DNAJC1: variants seen among roughly 807,000 people sequenced by gnomAD.
DNAJC1 encodes the protein DnaJ heat shock protein family (Hsp40) member C1, also known as dnaJ homolog subfamily C member 1.
DNAJC1 carries 58 observed loss-of-function variants against 76.6 expected under a neutral mutation model. The ratio of observed to expected loss-of-function variants is 0.76; its 90% confidence interval spans 0.61 to 0.94. The LOEUF is 0.94. Ranked by LOEUF, DNAJC1 falls within the 40% of genes least tolerant of loss-of-function variation. The pLI, the probability that DNAJC1 is intolerant of heterozygous loss-of-function variation, is 0.00. For synonymous variants in DNAJC1, 258 were observed against 267.9 expected (o/e 0.96, Z 0.36); for missense variants, 689 against 677.3 (o/e 1.02, Z -0.19).
intron 1 of DNAJC1, among the ~76,000 whole-genome samples, chr10:21,963,879 CTTTA>C (rs1030695552): frequency 8.6e-5 from 13 of 151,654 alleles, no homozygotes; most frequent in African/African-American, 1.9e-4. Flanking sequence ...CCTTTCTTGA[CTTTA>C]TTTATTTACT....
chr10:21,821,426 A>C (rs886784630), intron 8 of DNAJC1, among the ~76,000 whole-genome samples: 2 of 152,208 alleles, frequency 1.3e-5, no homozygotes, highest in Non-Finnish European at 2.9e-5. Context: ...ATAATCTCCT[A>C]AAGTTTGGGG....
At chr10:21,901,678 C>A (rs1251523745) in intron 7 of DNAJC1, among the ~76,000 whole-genome samples, 1 of 152,144 alleles carries the variant, frequency 6.6e-6, no homozygotes, top group African/African-American at 2.4e-5. Flanking sequence ...AGTTCTGGTG[C>A]AGCCCTCAGA....
At chr10:21,839,669 G>C (rs1835537229) in intron 8 of DNAJC1, among the ~76,000 whole-genome samples, 1 of 152,084 alleles carries the variant, frequency 6.6e-6, no homozygotes, top group Non-Finnish European at 1.5e-5. Context: ...TTCTACCAGA[G>C]GTACAAGGAG....
At chr10:21,950,393 T>C (rs1202504975) in intron 1 of DNAJC1, among the ~76,000 whole-genome samples, 2 of 152,142 alleles carry the variant, frequency 1.3e-5, no homozygotes, top group African/African-American at 2.4e-5. Flanking sequence ...ATTTAATCAA[T>C]AAATGTTGTA....
intron 8 of DNAJC1, among the ~76,000 whole-genome samples, chr10:21,830,427 T>C (rs557420586): frequency 1.3e-5 from 2 of 152,326 alleles, no homozygotes; most frequent in East Asian, 1.9e-4. Context: ...TCCTACTTTC[T>C]TCTGATATTT....
intron 8 of DNAJC1, among the ~76,000 whole-genome samples, chr10:21,870,237 A>G (rs1479245848): frequency 6.6e-6 from 1 of 152,086 alleles, no homozygotes; most frequent in Admixed American, 6.5e-5. Flanking sequence ...ATATTTGATA[A>G]TACTTAACAA....
chr10:22,003,235 T>G lies in DNAJC1; in HGVS notation c.200A>C (p.Tyr67Ser), dbSNP rs753041779. The part of the protein sequence containing the change: ...DLVEEVQLNF[Y>S]QFLGVQQDAS... ...TACCTGCTGCACCCCGAGGAACTGG[T>G]AGAAGTTGAGCTGCACCTCCTCCAC... Residue 67 changes from tyrosine (Y) to serine (S), a missense_variant, in exon 1 of 12, where the codon TAC becomes TCC. Tyr to Ser is a moderately radical substitution (Grantham distance 144). Coordinates refer to ENST00000376980, the MANE Select transcript of DNAJC1 (RefSeq NM_022365.4). 3.2e-6 allele frequency: 5 copies of G among 1,569,198 alleles called. No individual in the cohort carries two copies. The South Asian group carries it at 3.5e-5, about 11-fold the overall frequency.
intron 9 of DNAJC1, 46 bp downstream of exon 9, chr10:21,805,934 T>G (rs1834877439): frequency 6.2e-7 from 1 of 1,607,404 alleles, no homozygotes; most frequent in Non-Finnish European, 8.5e-7. Flanking sequence ...ATAGCTGACT[T>G]GTTCTGGTTT....
intron 1 of DNAJC1, among the ~76,000 whole-genome samples, chr10:21,930,692 G>C (rs1433680186): frequency 6.6e-6 from 1 of 152,124 alleles, no homozygotes. Flanking sequence ...TAACATGGTT[G>C]TAATTTTCAT....
At chr10:21,878,101 A>G (rs891206419) in intron 8 of DNAJC1, among the ~76,000 whole-genome samples, 3 of 152,154 alleles carry the variant, frequency 2.0e-5, no homozygotes, top group African/African-American at 7.2e-5. Context: ...TTTTCTTGTA[A>G]TGTCATGACT....
At chr10:21,965,913 C>T (rs909556498) in intron 1 of DNAJC1, among the ~76,000 whole-genome samples, 2 of 152,206 alleles carry the variant, frequency 1.3e-5, no homozygotes, top group Non-Finnish European at 2.9e-5. Flanking sequence ...CTCATGGGGT[C>T]TGGATCAGGT....
intron 1 of DNAJC1, among the ~76,000 whole-genome samples, chr10:21,955,374 A>G (rs1226215174): frequency 1.3e-5 from 2 of 152,212 alleles, no homozygotes; most frequent in African/African-American, 4.8e-5. Context: ...AATTTATGTA[A>G]GCAAACTTGG....
intron 1 of DNAJC1, among the ~76,000 whole-genome samples, chr10:21,979,555 T>C (rs1200877331): frequency 6.6e-6 from 1 of 152,082 alleles, no homozygotes; most frequent in Non-Finnish European, 1.5e-5. Flanking sequence ...GGTACTGTTA[T>C]TTTTAGGGTG....
At chr10:21,987,086 T>C (rs1042070969) in intron 1 of DNAJC1, among the ~76,000 whole-genome samples, 8 of 152,196 alleles carry the variant, frequency 5.3e-5, no homozygotes, top group African/African-American at 1.7e-4. Flanking sequence ...TTTTTAACAA[T>C]ACATATCAAT....
chr10:21,952,526 C>T (rs1415506428), intron 1 of DNAJC1, among the ~76,000 whole-genome samples: 7 of 152,022 alleles, frequency 4.6e-5, no homozygotes, highest in Admixed American at 1.3e-4. Flanking sequence ...GGGAAGCAGA[C>T]GCAGGCGATC....
intron 7 of DNAJC1, among the ~76,000 whole-genome samples, chr10:21,899,428 G>A (rs1347491356): frequency 3.3e-5 from 5 of 152,212 alleles, no homozygotes; most frequent in Non-Finnish European, 7.3e-5. Context: ...CAACAGGCTG[G>A]AGTCTACCTG....
At chr10:21,928,249 AGTCGTATTAAGGAAGCCCG>A (rs1259521359) in intron 3 of DNAJC1, among the ~76,000 whole-genome samples, 2 of 152,176 alleles carry the variant, frequency 1.3e-5, no homozygotes, top group Non-Finnish European at 2.9e-5. Flanking sequence ...TCATGTTAAA[AGTCGTATTAAGGAAGCCCG>A]GACTTGCTAA....
At chr10:21,768,089 A>G (rs918131542) in intron 9 of DNAJC1, among the ~76,000 whole-genome samples, 2 of 152,162 alleles carry the variant, frequency 1.3e-5, no homozygotes, top group Non-Finnish European at 2.9e-5. Context: ...ACCACTGTTC[A>G]GACTTCTATT....
At chr10:22,000,764 C>T (rs983393524) in intron 1 of DNAJC1, among the ~76,000 whole-genome samples, 2 of 152,198 alleles carry the variant, frequency 1.3e-5, no homozygotes, top group African/African-American at 4.8e-5. Flanking sequence ...CCCCAGAGAG[C>T]TGCCCTGCCC....
Sources: gnomAD v4.1 joint callset for allele counts (sites outside exome capture counted in the v4.1 genomes callset) on GRCh38, gnomAD v4.1.1 for gene constraint, MANE v1.5 for transcripts, NCBI Gene and HGNC (gene_info 2026-07-23, HGNC 2026-07-21) for gene names.